Variants in TRPC4 observed in about 807,000 individuals in gnomAD.
TRPC4 encodes short transient receptor potential channel 4.
In TRPC4, 49 loss-of-function variants were observed where a neutral mutation model predicts 99.4. The observed-to-expected ratio is 0.49, with a 90% CI of 0.39 to 0.63. The LOEUF (loss-of-function observed/expected upper bound fraction) is 0.63, where lower values mean the gene tolerates loss of function less well. Among genes scored for constraint, TRPC4 ranks in the 20% least tolerant of loss-of-function variants. The pLI is 0.00. For synonymous variants in TRPC4, 454 were observed against 425.9 expected, an observed-to-expected ratio of 1.07 and a Z score of -0.81; for missense variants, 898 against 1,152.9, an observed-to-expected ratio of 0.78 and a Z score of 3.20.
At chr13:37,794,103 A>C (rs1453840402) in intron 1 of TRPC4, among the ~76,000 whole-genome samples, 1 of 152,124 alleles carries the variant, frequency 6.6e-6, no homozygotes, top group Non-Finnish European at 1.5e-5. Context: ...GTCATGGTTA[A>C]AATTTTAAAT....
At chr13:37,824,587 G>A (rs374640171) in intron 1 of TRPC4, among the ~76,000 whole-genome samples, 15 of 151,794 alleles carry the variant, frequency 9.9e-5, no homozygotes, top group Middle Eastern at 3.4e-3. Flanking sequence ...ATTGATTTGC[G>A]TATATTGAAC....
At chr13:37,866,681 C>A (rs1959766482) in intron 1 of TRPC4, among the ~76,000 whole-genome samples, 1 of 151,572 alleles carries the variant, frequency 6.6e-6, no homozygotes, top group East Asian at 1.9e-4. Context: ...TCAAAATATT[C>A]TCAAATCTCT....
At chr13:37,659,002 G>A (rs1952342263) in intron 6 of TRPC4, among the ~76,000 whole-genome samples, 1 of 152,230 alleles carries the variant, frequency 6.6e-6, no homozygotes, top group African/African-American at 2.4e-5. Context: ...AGAAAATAAC[G>A]TATTTGGGGA....
intron 1 of TRPC4, among the ~76,000 whole-genome samples, chr13:37,836,234 T>C (rs1433360781): frequency 6.6e-6 from 1 of 152,192 alleles, no homozygotes; most frequent in Admixed American, 6.5e-5. Context: ...CTCGGGTATA[T>C]TTTTATCAGC....
intron 8 of TRPC4, among the ~76,000 whole-genome samples, chr13:37,645,609 C>T (rs888304807): frequency 3.3e-5 from 5 of 152,140 alleles, no homozygotes; most frequent in African/African-American, 1.2e-4. Context: ...TCTCCTTTCA[C>T]GAAAACTAAA....
chr13:37,780,404 T>C (rs918028592), intron 2 of TRPC4, among the ~76,000 whole-genome samples: 1 of 152,042 alleles, frequency 6.6e-6, no homozygotes, highest in African/African-American at 2.4e-5. Flanking sequence ...GGTTTTATCA[T>C]TTGGCCTCAA....
Position 37,734,398 on chromosome 13 carries a change from T to A in TRPC4, c.897+11539A>T, listed in dbSNP as rs1022755495. Reference sequence around the variant, plus strand: ...TGTGTTCTCATTTTGCCATTCTTAGTCTTTGGCACCAAAAATTCACCTTTT... The same window carrying A: ...TGTGTTCTCATTTTGCCATTCTTAGACTTTGGCACCAAAAATTCACCTTTT... On this transcript the variant is annotated intron_variant, in intron 3 of 10. Transcript: ENST00000379705. 5.3e-5 allele frequency among the ~76,000 whole-genome samples: 8 copies of A among 152,238 alleles called. No individual in the cohort carries two copies. The South Asian group carries it at 1.5e-3, about 28-fold the overall frequency.
rs1030559335 is a variant in TRPC4 at position 37,830,885 on chromosome 13, A to G, written c.-28+38710T>C. Among the ~76,000 whole-genome samples, 8 of 150,472 alleles carry G rather than the reference A, an allele frequency of 5.3e-5. No homozygotes were observed. In the East Asian group the frequency reaches 1.6e-3, roughly 29 times the overall value. ...CGTAATGTTTTAACTTTCTTTTACT[A>G]TATAGGAAGTAGTATCATATCATAT... On this transcript the variant is annotated intron_variant, in intron 1 of 10. Transcript: ENST00000379705.
chr13:37,669,881 T>C (rs1371948508), intron 5 of TRPC4, among the ~76,000 whole-genome samples: 1 of 152,142 alleles, frequency 6.6e-6, no homozygotes, highest in Non-Finnish European at 1.5e-5. Flanking sequence ...TTCAAAAGTA[T>C]GAATGTCATG....
chr13:37,808,570 T>C (rs1172565449), intron 1 of TRPC4, among the ~76,000 whole-genome samples: 1 of 152,058 alleles, frequency 6.6e-6, no homozygotes, highest in Non-Finnish European at 1.5e-5. Flanking sequence ...GGTATTGTCT[T>C]GTAGAACTAC....
intron 3 of TRPC4, among the ~76,000 whole-genome samples, chr13:37,745,471 TATAC>T (rs1444123239): frequency 7.7e-3 from 36 of 4,646 alleles, no homozygotes; most frequent in African/African-American, 0.011. Context: ...TATATATATA[TATAC>T]ACACACACAC....
At chr13:37,740,910 C>T (rs955910242) in intron 3 of TRPC4, among the ~76,000 whole-genome samples, 4 of 152,130 alleles carry the variant, frequency 2.6e-5, no homozygotes, top group East Asian at 1.9e-4. Context: ...TCATGAGCAG[C>T]GGGCTGTTCA....
chr13:37,660,461 G>A (rs970061033), intron 6 of TRPC4, among the ~76,000 whole-genome samples: 4 of 152,164 alleles, frequency 2.6e-5, no homozygotes, highest in African/African-American at 9.7e-5. Context: ...AGTGAGAGGT[G>A]AGAAAATAAG....
chr13:37,779,107 A>C lies in TRPC4; in HGVS notation c.378+3849T>G, dbSNP rs75014248. Among the ~76,000 whole-genome samples, 1,042 of 152,172 alleles carry C rather than the reference A, an allele frequency of 6.8e-3. 2 individuals are homozygous for C. The highest frequency in any genetic ancestry group is 9.7e-3 in the Non-Finnish European group (657 of 67,984). ...ATTGACAACCACTGATCTAACAAAA[A>C]AATTGAAAAGCAAGGTCTGCTTCTG... On this transcript the variant is annotated intron_variant, in intron 2 of 10. Transcript: ENST00000379705.
intron 2 of TRPC4, among the ~76,000 whole-genome samples, chr13:37,752,218 A>G (rs1240732231): frequency 1.3e-5 from 2 of 151,218 alleles, no homozygotes; most frequent in Non-Finnish European, 3.0e-5. Flanking sequence ...ACTGTGCAAC[A>G]TTTTACTTTC....
chr13:37,661,167 C>G (rs1952423784), intron 6 of TRPC4, among the ~76,000 whole-genome samples: 2 of 152,152 alleles, frequency 1.3e-5, no homozygotes, highest in Non-Finnish European at 2.9e-5. Flanking sequence ...GAGGAAATCA[C>G]TGGTAGAGAC....
chr13:37,642,868 T>G (rs1448046031), intron 8 of TRPC4, among the ~76,000 whole-genome samples: 1 of 151,932 alleles, frequency 6.6e-6, no homozygotes, highest in African/African-American at 2.4e-5. Flanking sequence ...GTAGCTAGGA[T>G]TACAGGTGCA....
Position 37,693,825 on chromosome 13 carries a change from G to A in TRPC4, c.898-1490C>T, listed in dbSNP as rs138610058. Among the ~76,000 whole-genome samples, 821 of 152,212 alleles carry A rather than the reference G, an allele frequency of 5.4e-3. 6 individuals are homozygous for A. The highest frequency in any genetic ancestry group is 0.019 in the African/African-American group (781 of 41,518). ...ATAAATATGCAAACAATTGAATTAA[G>A]TTTATAATAATGGGTTCAGTAAATA... On this transcript the variant is annotated intron_variant, in intron 3 of 10. Coordinates refer to ENST00000379705, the MANE Select transcript of TRPC4 (RefSeq NM_016179.4).
chr13:37,798,480 C>T (rs1240422406), intron 1 of TRPC4, among the ~76,000 whole-genome samples: 6 of 152,018 alleles, frequency 3.9e-5, no homozygotes, highest in South Asian at 2.1e-4. Flanking sequence ...GGGAAGCTGA[C>T]GGTTGATATT....
Sources: gnomAD v4.1 joint callset for allele counts (sites outside exome capture counted in the v4.1 genomes callset) on GRCh38, gnomAD v4.1.1 for gene constraint, MANE v1.5 for transcripts, NCBI Gene and HGNC (gene_info 2026-07-23, HGNC 2026-07-21) for gene names.